GYS2: variants seen among roughly 807,000 people sequenced by gnomAD.
GYS2 encodes glycogen synthase 2.
A neutral mutation model predicts 85.6 loss-of-function variants in GYS2; 80 were observed. That is an observed-to-expected ratio of 0.93 (90% CI 0.78 to 1.13). GYS2 has a LOEUF of 1.13. Ranked by LOEUF, GYS2 falls within the 50% of genes most tolerant of loss-of-function variation. The pLI is 0.00. For synonymous variants in GYS2, 328 were observed against 300.7 expected (o/e 1.09, Z -0.94); for missense variants, 881 against 854.9 (o/e 1.03, Z -0.38).
intron 15 of GYS2, among the ~76,000 whole-genome samples, chr12:21,537,560 A>G (rs1331966858): frequency 3.3e-5 from 5 of 152,192 alleles, no homozygotes; most frequent in Non-Finnish European, 5.9e-5. Context: ...TGATGACTCC[A>G]GAAACTTTAA....
rs153938 is a variant in GYS2, at chr12:21,598,118, A to G, written c.121+6354T>C. Among the ~76,000 whole-genome samples the G allele has an allele frequency of 3.5e-3, 534 of 152,174 alleles. 5 individuals carry two copies. Among genetic ancestry groups the G allele is most frequent in the African/African-American group, 0.012 (490 of 41,550 alleles). ...AAACAGGCAGTTAGATAGAAGGAAT[A>G]TGTTCTGATGTTCAATAGCAAAGTA... is the stretch of plus-strand genomic sequence containing the variant. On this transcript the variant is annotated intron_variant, in intron 1 of 15. Coordinates refer to ENST00000261195, the MANE Select transcript of GYS2 (RefSeq NM_021957.4).
chr12:21,597,607 A>C (rs552507376), intron 1 of GYS2, among the ~76,000 whole-genome samples: 1 of 152,270 alleles, frequency 6.6e-6, no homozygotes, highest in East Asian at 1.9e-4. Flanking sequence ...GTAAGCATGC[A>C]AATTAGTATA....
rs1349465895 is a variant in GYS2 at position 21,536,255 on chromosome 12, C to T, written c.*699G>A. The T allele has an allele frequency of 1.3e-5, 2 of 152,002 alleles. No individual in the cohort carries two copies. The highest frequency in any genetic ancestry group is 2.9e-5 in the Non-Finnish European group (2 of 68,012). 9.4% of individuals were successfully genotyped at this position (152,002 alleles called of 1,614,324 possible). Reference sequence around the variant, plus strand: ...ACAAGTTATCATCTATGAAGATTGACCAAATTTTAAAAAGGCTTTCTATTT... The same window carrying T: ...ACAAGTTATCATCTATGAAGATTGATCAAATTTTAAAAAGGCTTTCTATTT... On this transcript the variant is annotated 3_prime_UTR_variant, in exon 16 of 16. Transcript: ENST00000261195.
intron 1 of GYS2, among the ~76,000 whole-genome samples, chr12:21,600,362 A>G (rs1944742081): frequency 6.6e-6 from 1 of 152,118 alleles, no homozygotes; most frequent in Admixed American, 6.6e-5. Flanking sequence ...TCTTGGTCTC[A>G]AACAATTCTC....
In GYS2 at chr12:21,602,562, A is replaced by T. The variant is rs1469682036; in HGVS notation, c.121+1910T>A. ...TATGATAATATTAAAATAAAGATAC[A>T]TTGAAGATGATATCAACTTGTGTAA... On this transcript the variant is annotated intron_variant, in intron 1 of 15. Transcript: ENST00000261195. Among the ~76,000 whole-genome samples the T allele has an allele frequency of 1.3e-5, 2 of 152,124 alleles. 1 individual carries two copies. The highest frequency in any genetic ancestry group is 3.9e-4 in the East Asian group (2 of 5,194).
chr12:21,578,969 A>G (rs368660676), intron 2 of GYS2, among the ~76,000 whole-genome samples: 1 of 152,162 alleles, frequency 6.6e-6, no homozygotes, highest in Non-Finnish European at 1.5e-5. Flanking sequence ...GAAAAATCTC[A>G]TAATCACAAC....
chr12:21,604,659 G>A lies in GYS2; in HGVS notation c.-67C>T. ...AATTAGTTGTAATCCCAGGAGAAGA[G>A]AACTTACAGGCACAAAAGTTAGAGT... On this transcript the variant is annotated 5_prime_UTR_variant, in exon 1 of 16. Transcript: ENST00000261195. 2 of 1,605,838 alleles carry A rather than the reference G, an allele frequency of 1.2e-6. No homozygotes were observed. The highest frequency in any genetic ancestry group is 1.7e-6 in the Non-Finnish European group (2 of 1,174,762).
intron 5 of GYS2, among the ~76,000 whole-genome samples, chr12:21,567,394 T>C (rs1425149109): frequency 6.6e-6 from 1 of 152,062 alleles, no homozygotes; most frequent in Non-Finnish European, 1.5e-5. Context: ...AATGAGCATA[T>C]TGATGGAATA....
chr12:21,543,140 T>A (rs1943998951), intron 12 of GYS2, among the ~76,000 whole-genome samples: 1 of 152,196 alleles, frequency 6.6e-6, no homozygotes, highest in Admixed American at 6.5e-5. Flanking sequence ...TTAATCAAAA[T>A]CTGTTTTCCA....
At chr12:21,564,997 A>G (rs990005762) in intron 5 of GYS2, among the ~76,000 whole-genome samples, 1 of 152,104 alleles carries the variant, frequency 6.6e-6, no homozygotes, top group African/African-American at 2.4e-5. Flanking sequence ...AAGCTATAGA[A>G]GGCAAGAATG....
At position 21,554,983 on chromosome 12, in the gene GYS2, C is replaced by CCG. The variant is rs1944161038; in HGVS notation, c.1422+3216_1422+3217insCG. On this transcript the variant is annotated intron_variant, in intron 11 of 15. Transcript: ENST00000261195. ...AACTATTGCCAGCTGCATGACCCAT[C>CCG]CCTCCTTTTCCCACTTTCCCTCATC... Among the ~76,000 whole-genome samples the CCG allele has an allele frequency of 3.3e-5, 5 of 152,148 alleles. No individual in the cohort carries two copies. The South Asian group carries it at 1.0e-3, about 32-fold the overall frequency.
At chr12:21,580,143 A>G (rs960746384) in intron 2 of GYS2, among the ~76,000 whole-genome samples, 199 bp downstream of exon 2, 1 of 152,216 alleles carries the variant, frequency 6.6e-6, no homozygotes, top group African/African-American at 2.4e-5. Context: ...CTGAACTCCA[A>G]ACCAATTATC....
intron 1 of GYS2, among the ~76,000 whole-genome samples, chr12:21,586,460 T>TATCC (rs1482246746): frequency 1.3e-5 from 2 of 151,274 alleles, no homozygotes; most frequent in Admixed American, 6.6e-5. Context: ...TCTATCTATC[T>TATCC]ATCTCCTATT....
At chr12:21,563,861 A>C (rs908836780) in intron 5 of GYS2, among the ~76,000 whole-genome samples, 1 of 152,198 alleles carries the variant, frequency 6.6e-6, no homozygotes, top group Non-Finnish European at 1.5e-5. Context: ...TTAACCCTGC[A>C]CTAAACTACC....
chr12:21,547,315 A>T (rs954958991), intron 11 of GYS2, among the ~76,000 whole-genome samples: 1 of 152,230 alleles, frequency 6.6e-6, no homozygotes, highest in East Asian at 1.9e-4. Flanking sequence ...ATGTTATAAC[A>T]TGTAGATGTT....
In GYS2 at chr12:21,542,604, A is replaced by G; in HGVS notation, c.1550-13T>C. On this transcript the variant is annotated splice_polypyrimidine_tract_variant and intron_variant, in intron 12 of 15. Coordinates refer to ENST00000261195, the MANE Select transcript of GYS2 (RefSeq NM_021957.4). ...ACAGTGCATTCAGCTGCCAGGGGAA[A>G]TAGACCAAAGCTTGGCTTCAGACCA... is the stretch of plus-strand genomic sequence containing the variant. 6.3e-7 allele frequency: 1 copy of G among 1,584,502 alleles called. No individual in the cohort carries two copies. The highest frequency in any genetic ancestry group is 8.7e-7 in the Non-Finnish European group (1 of 1,153,022).
intron 1 of GYS2, among the ~76,000 whole-genome samples, chr12:21,593,312 A>ACAT (rs58158944): frequency 2.6e-5 from 4 of 151,338 alleles, no homozygotes; most frequent in Non-Finnish European, 4.4e-5. Context: ...AACAACAACA[A>ACAT]GGGATTAGCA....
intron 1 of GYS2, among the ~76,000 whole-genome samples, chr12:21,583,177 G>T (rs1488802155): frequency 2.6e-5 from 4 of 152,166 alleles, no homozygotes; most frequent in Admixed American, 2.6e-4. Flanking sequence ...AAACACACTG[G>T]ATTTATTGAT....
Position 21,585,560 on chromosome 12 carries a change from GA to G in GYS2, c.122-5038del, listed in dbSNP as rs36121025. Among the ~76,000 whole-genome samples the G allele has an allele frequency of 7.3e-3, 844 of 115,762 alleles. 8 individuals carry two copies. Among genetic ancestry groups the G allele is most frequent in the African/African-American group, 0.019 (594 of 30,894 alleles). 75.9% of individuals were successfully genotyped at this position (115,762 alleles called of 152,430 possible). ...ATAAAGGTTTGGGTCACTCCACCAG[GA>G]AAAAAAAAAAAAAAAAAGACAAGAC... On this transcript the variant is annotated intron_variant, in intron 1 of 15. Transcript: ENST00000261195.
Sources: allele counts gnomAD v4.1 joint callset (sites outside exome capture counted in the v4.1 genomes callset), GRCh38; gene constraint gnomAD v4.1.1; transcripts MANE v1.5; gene names NCBI Gene and HGNC (gene_info 2026-07-23, HGNC 2026-07-21).